Variants in NLRP4 observed in about 807,000 individuals in gnomAD.
The protein encoded by NLRP4 is NLR family pyrin domain containing 4.
NLRP4 carries 44 observed loss-of-function variants against 84.7 expected under a neutral mutation model. The ratio of observed to expected loss-of-function variants is 0.52; its 90% CI spans 0.41 to 0.67. NLRP4 has a LOEUF of 0.67. Among genes scored for constraint, NLRP4 ranks in the 30% least tolerant of loss-of-function variants. NLRP4 has a pLI of 0.00. For synonymous variants in NLRP4, 544 were observed against 476.4 expected (o/e 1.14, Z -1.85); for missense variants, 1,260 against 1,219.4 (o/e 1.03, Z -0.50).
In NLRP4 at chr19:55,870,927, C is replaced by G. The variant is rs753973481; in HGVS notation, c.2455C>G (p.Leu819Val). The change falls in exon 7 of 10, where the codon CTG (leucine) becomes GTG (valine). Residue 819 changes from leucine to valine, a missense_variant. Leu to Val is a conservative substitution (Grantham distance 32). Coordinates refer to ENST00000301295, the MANE Select transcript of NLRP4 (RefSeq NM_134444.5). ...VRYLDLSANV[L>V]KDEGLKTLCE... ...CTATCTAGACCTCAGTGCCAATGTC[C>G]TGAAGGACGAAGGACTGAAAACTCT... 2 of 1,614,126 alleles carry G rather than the reference C, an allele frequency of 1.2e-6. No individual in the cohort carries two copies. Among genetic ancestry groups the G allele is most frequent in the Admixed American group, 3.3e-5 (2 of 60,024 alleles).
rs779726280 is a variant in NLRP4 at position 55,857,913 on chromosome 19, GACA to G, written c.525_527del (p.Asn175del). 7 of 1,614,190 alleles carry G rather than the reference GACA, an allele frequency of 4.3e-6. No individual in the cohort carries two copies. Among genetic ancestry groups the G allele is most frequent in the South Asian group, 2.2e-5 (2 of 91,086 alleles). ...GATGAAGCTGATGATGGCCTGGTCG[GACA>G]ACAAGATCTTTCGGGATAGGTTCCT... On this transcript the variant is annotated inframe_deletion, in exon 3 of 10. Coordinates refer to ENST00000301295, the MANE Select transcript of NLRP4 (RefSeq NM_134444.5).
At chr19:55,853,641 C>A (rs780085108) in intron 2 of NLRP4, among the ~76,000 whole-genome samples, 4 of 152,166 alleles carry the variant, frequency 2.6e-5, no homozygotes, top group Non-Finnish European at 5.9e-5. Context: ...AACTCCTGGG[C>A]TCAAGTGATC....
chr19:55,847,790 C>T (rs1248947016), intron 1 of NLRP4, among the ~76,000 whole-genome samples: 1 of 150,632 alleles, frequency 6.6e-6, no homozygotes, highest in African/African-American at 2.5e-5. Context: ...TCTCAGCTCA[C>T]TGCAACCTCT....
At position 55,878,832 on chromosome 19, in the gene NLRP4, A is replaced by T; in HGVS notation, c.2735A>T (p.Asp912Val). Reference sequence around the variant, plus strand: ...GGGTTAACGAGCACCTGCTGTAAGGATCTCGCGTCTGTTCTCACCTGCAGT... The same window carrying T: ...GGGTTAACGAGCACCTGCTGTAAGGTTCTCGCGTCTGTTCTCACCTGCAGT... ...ECGLTSTCCK[D>V]LASVLTCSKT... Residue 912 changes from aspartate (D) to valine (V), a missense_variant, in exon 9 of 10, where the codon GAT becomes GTT. Physicochemically the swap from Asp to Val is radical, Grantham distance 152. This residue lies in a region of NLRP4 where 544 missense variants were observed against 531.7 expected (regional missense o/e 1.02). Transcript: ENST00000301295. 1 of 1,613,586 alleles carries T rather than the reference A, an allele frequency of 6.2e-7. No individual in the cohort carries two copies. Among genetic ancestry groups the T allele is most frequent in the Non-Finnish European group, 8.5e-7 (1 of 1,179,680 alleles).
At chr19:55,840,440 G>A (rs945934921) in intron 1 of NLRP4, among the ~76,000 whole-genome samples, 3 of 152,128 alleles carry the variant, frequency 2.0e-5, no homozygotes, top group East Asian at 1.9e-4. Flanking sequence ...CTGGAATGCA[G>A]TGGTGCCATC....
Position 55,862,093 on chromosome 19 carries a change from CT to C in NLRP4, c.2121del (p.Arg708ValfsTer11). 2 of 1,612,280 alleles carry C rather than the reference CT, an allele frequency of 1.2e-6. No homozygotes were observed. Among genetic ancestry groups the C allele is most frequent in the Middle Eastern group, 3.3e-4 (2 of 6,058 alleles). On this transcript the variant is annotated frameshift_variant, in exon 5 of 10. Transcript: ENST00000301295. LOFTEE classifies it high-confidence loss of function. ...KYLSFTLTKL[S>X]RDDIRSLCDA... ...CTGAGCTTCACCCTCACGAAACTCT[CT>C]CGTGATGACATCAGGTCCCTCTGTG...
rs1983319584 is a variant in NLRP4, at chr19:55,836,698, C to T, written c.-302C>T. ...CTGATCGATCACAGCCAGGCCTCTC[C>T]ATTCTATTTACCCAGCGTTTTCCTT... On this transcript the variant is annotated 5_prime_UTR_variant, in exon 1 of 10. Coordinates refer to ENST00000301295, the MANE Select transcript of NLRP4 (RefSeq NM_134444.5). The T allele has an allele frequency of 6.6e-6, 1 of 152,146 alleles. No individual in the cohort carries two copies. Among genetic ancestry groups the T allele is most frequent in the Non-Finnish European group, 1.5e-5 (1 of 68,090 alleles). 9.4% of individuals were successfully genotyped at this position (152,146 alleles called of 1,614,324 possible). A position where few individuals can be genotyped will look rare whatever the true frequency, so the allele number is the denominator to read the frequency against.
intron 2 of NLRP4, among the ~76,000 whole-genome samples, chr19:55,853,215 G>A (rs1984239397): frequency 6.6e-6 from 1 of 152,130 alleles, no homozygotes; most frequent in African/African-American, 2.4e-5. Flanking sequence ...GTTTTTCTTT[G>A]TTGTTGTTCA....
chr19:55,848,365 T>C (rs1041327129), intron 1 of NLRP4, among the ~76,000 whole-genome samples: 3 of 152,110 alleles, frequency 2.0e-5, no homozygotes, highest in African/African-American at 7.2e-5. Context: ...TACCCCTTTT[T>C]ATACTATAGT....
chr19:55,841,116 T>C (rs2122991902), intron 1 of NLRP4, among the ~76,000 whole-genome samples: 1 of 152,370 alleles, frequency 6.6e-6, no homozygotes, highest in African/African-American at 2.4e-5. Context: ...TCATATCTGT[T>C]TGTTTAGACA....
chr19:55,872,468 C>T (rs1482423661), intron 7 of NLRP4, among the ~76,000 whole-genome samples: 2 of 152,080 alleles, frequency 1.3e-5, no homozygotes, highest in Admixed American at 6.5e-5. Flanking sequence ...ATCTATAAAG[C>T]TATTATACTT....
chr19:55,861,310 C>T (rs1415264668), intron 3 of NLRP4, 76 bp from the exon 4 acceptor site: 22 of 1,228,226 alleles, frequency 1.8e-5, no homozygotes, highest in Middle Eastern at 2.3e-4. Flanking sequence ...GAGAAGACAG[C>T]GTAGTGCGTA....
intron 1 of NLRP4, among the ~76,000 whole-genome samples, chr19:55,846,606 CT>C (rs1983804475): frequency 6.6e-6 from 1 of 152,090 alleles, no homozygotes; most frequent in Admixed American, 6.5e-5. Context: ...TATTATATAT[CT>C]AATATCATCA....
intron 1 of NLRP4, among the ~76,000 whole-genome samples, chr19:55,848,405 C>T (rs402099): frequency 0.38 from 58,268 of 151,604 alleles, 15,655 homozygotes; most frequent in African/African-American, 0.77. Flanking sequence ...GATACTATAG[C>T]ATACTATACT....
At chr19:55,868,461 T>C (rs1010574608) in intron 6 of NLRP4, among the ~76,000 whole-genome samples, 1 of 151,370 alleles carries the variant, frequency 6.6e-6, no homozygotes, top group Non-Finnish European at 1.5e-5. Context: ...GTGATACTTA[T>C]ACAAAAGGGG....
At chr19:55,844,455 T>G (rs1021700113) in intron 1 of NLRP4, among the ~76,000 whole-genome samples, 2 of 152,148 alleles carry the variant, frequency 1.3e-5, no homozygotes, top group African/African-American at 4.8e-5. Flanking sequence ...TTTGTATTTT[T>G]GGTAGAGATG....
At chr19:55,876,272 C>T (rs1387543598) in intron 7 of NLRP4, among the ~76,000 whole-genome samples, 2 of 152,154 alleles carry the variant, frequency 1.3e-5, no homozygotes, top group Non-Finnish European at 2.9e-5. Flanking sequence ...GTTGTCCCTC[C>T]ATATCCATAG....
intron 2 of NLRP4, among the ~76,000 whole-genome samples, chr19:55,854,231 C>G (rs1460728612): frequency 1.3e-5 from 2 of 152,174 alleles, no homozygotes; most frequent in African/African-American, 4.8e-5. Flanking sequence ...CTCAGCCTCT[C>G]TAAGTATTGG....
intron 5 of NLRP4, among the ~76,000 whole-genome samples, chr19:55,867,223 G>A (rs1478545426): frequency 1.4e-5 from 2 of 140,954 alleles, no homozygotes; most frequent in Non-Finnish European, 3.1e-5. Context: ...TCTGTACCCC[G>A]GAGGCCATAA....
Sources: gnomAD v4.1 joint callset for allele counts (sites outside exome capture counted in the v4.1 genomes callset) on GRCh38, gnomAD v4.1.1 for gene constraint, gnomAD v4.1.1 regional missense constraint, MANE v1.5 for transcripts, NCBI Gene and HGNC (gene_info 2026-07-23, HGNC 2026-07-21) for gene names.